GAP43: variants seen among roughly 807,000 people sequenced by gnomAD.
The protein encoded by GAP43 is neuromodulin.
Under a neutral mutation model 18.6 loss-of-function variants are expected in GAP43, and 6 were observed. That is an observed-to-expected ratio of 0.32 (90% CI 0.18 to 0.64). The LOEUF (loss-of-function observed/expected upper bound fraction) is 0.64. GAP43 is among the 30% of genes least tolerant of loss of function. The pLI, the probability that GAP43 is intolerant of heterozygous loss-of-function variation, is 0.78. For missense variants in GAP43, 292 were observed against 295.5 expected (o/e 0.99, Z 0.09); for synonymous variants, 115 against 111.4 (o/e 1.03, Z -0.20).
chr3:115,677,186 T>C (rs1453753224), intron 2 of GAP43, among the ~76,000 whole-genome samples: 1 of 152,198 alleles, frequency 6.6e-6, no homozygotes, highest in African/African-American at 2.4e-5. Context: ...TATGTGGGTA[T>C]GCTCAGAGAA....
At chr3:115,669,636 G>A (rs997670881) in intron 1 of GAP43, among the ~76,000 whole-genome samples, 11 of 152,168 alleles carry the variant, frequency 7.2e-5, no homozygotes, top group Non-Finnish European at 1.3e-4. Flanking sequence ...CAACTTTTCA[G>A]ACTGGAAACT....
At chr3:115,695,078 G>T (rs1709167130) in intron 2 of GAP43, among the ~76,000 whole-genome samples, 1 of 152,194 alleles carries the variant, frequency 6.6e-6, no homozygotes, top group Non-Finnish European at 1.5e-5. Context: ...GAATATTGTA[G>T]ATTTCAAAGT....
chr3:115,675,901 A>G lies in GAP43; in HGVS notation c.31-112A>G. On this transcript the variant is annotated intron_variant, in intron 1 of 2. Coordinates refer to ENST00000305124, the MANE Select transcript of GAP43 (RefSeq NM_002045.4). ...GGTACTGTTGAATTCTTAACTCCAA[A>G]AACAGTGCCTGGCACAAAATAAATC... The G allele has an allele frequency of 3.4e-6, 5 of 1,466,964 alleles. No homozygotes were observed. In the South Asian group the frequency reaches 7.2e-5, roughly 21 times the overall value. 90.9% of individuals were successfully genotyped at this position (1,466,964 alleles called of 1,614,324 possible). A position where few individuals can be genotyped will look rare whatever the true frequency, so the allele number is the denominator to read the frequency against.
At chr3:115,626,024 C>A (rs958285206) in intron 1 of GAP43, among the ~76,000 whole-genome samples, 11 of 152,158 alleles carry the variant, frequency 7.2e-5, no homozygotes, top group Non-Finnish European at 1.6e-4. Flanking sequence ...TTCACATTAG[C>A]CAGTATTTAG....
chr3:115,658,869 C>G (rs1261068147), intron 1 of GAP43: 4 of 152,488 alleles, frequency 2.6e-5, no homozygotes, highest in South Asian at 2.1e-4. Context: ...ATGCGCCGGG[C>G]TCTCTCCTTC....
At chr3:115,679,707 G>A (rs1708937150) in intron 2 of GAP43, among the ~76,000 whole-genome samples, 1 of 152,066 alleles carries the variant, frequency 6.6e-6, no homozygotes, top group Non-Finnish European at 1.5e-5. Flanking sequence ...CTCCATGGTA[G>A]CCTATTGATT....
intron 2 of GAP43, among the ~76,000 whole-genome samples, chr3:115,696,403 C>T (rs957483778): frequency 6.6e-6 from 1 of 152,008 alleles, no homozygotes; most frequent in Non-Finnish European, 1.5e-5. Context: ...AGAATCTCAG[C>T]ACATCTCACT....
At position 115,674,927 on chromosome 3, in the gene GAP43, G is replaced by A. The variant is rs1708860833; in HGVS notation, c.31-1086G>A. Among the ~76,000 whole-genome samples the A allele has an allele frequency of 2.0e-5, 3 of 152,234 alleles. No individual in the cohort carries two copies. In the South Asian group the frequency reaches 6.2e-4, roughly 32 times the overall value. ...ATTTCCTTATCAGGCTTAAAACTTGGGGGAAAGTAGACTTTTGCAAAATAT... is the reference window on the plus strand; with the variant it reads ...ATTTCCTTATCAGGCTTAAAACTTGAGGGAAAGTAGACTTTTGCAAAATAT... On this transcript the variant is annotated intron_variant, in intron 1 of 2. Coordinates refer to ENST00000305124, the MANE Select transcript of GAP43 (RefSeq NM_002045.4).
intron 2 of GAP43, among the ~76,000 whole-genome samples, chr3:115,686,644 A>C (rs1323722328): frequency 6.6e-6 from 1 of 152,216 alleles, no homozygotes; most frequent in Non-Finnish European, 1.5e-5. Context: ...CTTGGAACCC[A>C]AAATACTAAA....
chr3:115,720,076 GA>G (rs1709557637), intron 2 of GAP43, among the ~76,000 whole-genome samples: 1 of 152,228 alleles, frequency 6.6e-6, no homozygotes, highest in Non-Finnish European at 1.5e-5. Context: ...ATGCTTTAAA[GA>G]GGCTAGTGAC....
At chr3:115,705,215 G>A (rs745436455) in intron 2 of GAP43, among the ~76,000 whole-genome samples, 3 of 152,138 alleles carry the variant, frequency 2.0e-5, no homozygotes, top group Non-Finnish European at 2.9e-5. Flanking sequence ...CCAAGCAGTA[G>A]ATATAAATAG....
intron 2 of GAP43, 36 bp downstream of exon 2, chr3:115,676,646 TG>T: frequency 6.6e-7 from 1 of 1,514,344 alleles, no homozygotes; most frequent in Non-Finnish European, 8.8e-7. Context: ...AATGGGTGGA[TG>T]GGGAAGGGAG....
chr3:115,679,461 C>T (rs974474830), intron 2 of GAP43, among the ~76,000 whole-genome samples: 7 of 152,154 alleles, frequency 4.6e-5, no homozygotes, highest in Admixed American at 6.5e-5. Context: ...TAGTTTGCCA[C>T]GCTGCCTGCC....
chr3:115,687,431 T>G (rs1391022987), intron 2 of GAP43, among the ~76,000 whole-genome samples: 3 of 152,192 alleles, frequency 2.0e-5, no homozygotes, highest in Non-Finnish European at 2.9e-5. Context: ...AAACATGGCT[T>G]TAGGCAACTA....
chr3:115,644,339 T>C lies in GAP43; in HGVS notation c.30+20620T>C, dbSNP rs957306257. ...ATTATTGTATTTTACCTGATAGTTT[T>C]TGGACAGGACTATCAGGGTGATGAA... On this transcript the variant is annotated intron_variant, in intron 1 of 2. Transcript: ENST00000305124. This position sits in a 1 kb window ranked among gnomAD's most constrained non-coding sequence, Gnocchi z 4.2. Among the ~76,000 whole-genome samples, 3 of 152,032 alleles carry C rather than the reference T, an allele frequency of 2.0e-5. No individual in the cohort carries two copies. The highest frequency in any genetic ancestry group is 4.4e-5 in the Non-Finnish European group (3 of 67,962).
chr3:115,669,441 T>C (rs550896582), intron 1 of GAP43, among the ~76,000 whole-genome samples: 1 of 152,338 alleles, frequency 6.6e-6, no homozygotes, highest in South Asian at 2.1e-4. Context: ...AAATATTAAT[T>C]GAGCATCTAC....
rs552993601 is a variant in GAP43 at position 115,676,207 on chromosome 3, C to T, written c.225C>T (p.Ala75=). Reference sequence around the variant, plus strand: ...ATAAGAAGGATGAAGCCCCTGTTGCCGATGGGGTGGAGAAGAAGGGAGAAG... The same window carrying T: ...ATAAGAAGGATGAAGCCCCTGTTGCTGATGGGGTGGAGAAGAAGGGAGAAG... ...EANKKDEAPV[A]DGVEKKGEGT... is the part of the protein sequence containing the mutation. The change falls in exon 2 of 3, where the codon GCC becomes GCT. Residue 75 remains alanine (A), a synonymous_variant. Coordinates refer to ENST00000305124, the MANE Select transcript of GAP43 (RefSeq NM_002045.4). The T allele has an allele frequency of 1.3e-5, 21 of 1,614,072 alleles. No individual in the cohort carries two copies. Among genetic ancestry groups the T allele is most frequent in the East Asian group, 8.9e-5 (4 of 44,864 alleles).
intron 2 of GAP43, among the ~76,000 whole-genome samples, chr3:115,698,205 T>TA (rs376925773): frequency 5.5e-4 from 3 of 5,488 alleles, no homozygotes; most frequent in Non-Finnish European, 1.6e-3. Context: ...ATATTATATA[T>TA]TATATAAAAT....
intron 2 of GAP43, among the ~76,000 whole-genome samples, chr3:115,682,918 G>A (rs1409485165): frequency 6.6e-6 from 1 of 152,008 alleles, no homozygotes; most frequent in Non-Finnish European, 1.5e-5. Flanking sequence ...ATATTGTTGA[G>A]GCCATTCATT....
Sources: allele counts gnomAD v4.1 joint callset (sites outside exome capture counted in the v4.1 genomes callset), GRCh38; gene constraint gnomAD v4.1.1; non-coding constraint Gnocchi (gnomAD v3.1); transcripts MANE v1.5; gene names NCBI Gene and HGNC (gene_info 2026-07-23, HGNC 2026-07-21).